The following SLTM variants were observed in gnomAD, a reference collection of about 807,000 sequenced individuals.
SLTM encodes SAFB-like transcription modulator.
Under a neutral mutation model 134.6 loss-of-function variants are expected in SLTM, and 43 were observed. That is an observed-to-expected ratio of 0.32 (90% CI 0.25 to 0.41). The LOEUF (loss-of-function observed/expected upper bound fraction) is 0.41, where lower values mean the gene tolerates loss of function less well. Ranked by LOEUF, SLTM falls within the 10% of genes least tolerant of loss-of-function variation. The pLI, the probability that SLTM is intolerant of heterozygous loss-of-function variation, is 1.00. For synonymous variants in SLTM, 424 were observed against 432.3 expected, an observed-to-expected ratio of 0.98 and a Z score of 0.24; for missense variants, 1,055 against 1,288.8, an observed-to-expected ratio of 0.82 and a Z score of 2.78.
In SLTM at chr15:58,933,497, G is replaced by C. The variant is rs932804909; in HGVS notation, c.69C>G (p.Thr23=). Residue 23 remains threonine, a synonymous_variant, in exon 1 of 21, where the codon ACC becomes ACG. Transcript: ENST00000380516. ...ACTTCAGATCGATGACCCGCAGATC[G>C]GTGATCTTTTTACCTTCCGCCTGAC... ...ASGQAEGKKI[T]DLRVIDLKSE... 8.7e-6 allele frequency: 14 copies of C among 1,600,722 alleles called. No individual in the cohort carries two copies. The highest frequency in any genetic ancestry group is 1.7e-5 in the Admixed American group (1 of 58,164).
chr15:58,921,896 C>G (rs1358848870), intron 2 of SLTM, among the ~76,000 whole-genome samples: 1 of 152,118 alleles, frequency 6.6e-6, no homozygotes, highest in East Asian at 1.9e-4. Flanking sequence ...ATGCCTCAGC[C>G]TCACAAGGAG....
Position 58,879,923 on chromosome 15 carries a change from C to G in SLTM, c.*76G>C, listed in dbSNP as rs1439334814. The stretch of plus-strand genomic sequence containing the variant: ...AGAACTCTCAAGCAAGTCAGAGGTC[C>G]TCTTCATAAGTAGTCAAGTAAAGTT... On this transcript the variant is annotated 3_prime_UTR_variant, in exon 21 of 21. Transcript: ENST00000380516. 2.6e-6 allele frequency: 4 copies of G among 1,514,788 alleles called. No homozygotes were observed. Among genetic ancestry groups the G allele is most frequent in the African/African-American group, 2.8e-5 (2 of 71,746 alleles). 93.8% of individuals were successfully genotyped at this position (1,514,788 alleles called of 1,614,324 possible). A position where few individuals can be genotyped will look rare whatever the true frequency, so the allele number is the denominator to read the frequency against.
Position 58,893,382 on chromosome 15 carries a change from T to C in SLTM, c.1649-18A>G, listed in dbSNP as rs760946668. The C allele has an allele frequency of 2.6e-6, 4 of 1,542,978 alleles. No individual in the cohort carries two copies. The highest frequency in any genetic ancestry group is 2.0e-5 in the Admixed American group (1 of 50,122). On this transcript the variant is annotated intron_variant, in intron 12 of 20. Transcript: ENST00000380516. ...CTTGGAACCTAAGGGAAAAAAATTA[T>C]ATAAAACAATGTCTAAAATTTTTCA...
intron 12 of SLTM, 24 bp downstream of exon 12, chr15:58,893,797 G>C: frequency 1.3e-6 from 2 of 1,584,082 alleles, no homozygotes; most frequent in Non-Finnish European, 1.7e-6. Flanking sequence ...CATTAGAAAG[G>C]GATTGAAAAG....
intron 19 of SLTM, among the ~76,000 whole-genome samples, chr15:58,884,643 T>C (rs2140938927): frequency 6.6e-6 from 1 of 152,012 alleles, no homozygotes; most frequent in South Asian, 2.1e-4. Context: ...AAATAATTTT[T>C]TTTTTTGGAG....
chr15:58,893,102 T>C (rs773395004), intron 13 of SLTM, 42 bp from the exon 14 acceptor site: 9 of 1,530,836 alleles, frequency 5.9e-6, no homozygotes, highest in Non-Finnish European at 7.9e-6. Flanking sequence ...TTAAAATATT[T>C]TGGGGCTTTA....
At position 58,913,540 on chromosome 15, in the gene SLTM, C is replaced by T. The variant is rs1567144014; in HGVS notation, c.472G>A (p.Glu158Lys). ...NKRAHELIEA[E>K]GIEDIEKEDI... is the part of the protein sequence containing the mutation. Reference sequence around the variant, plus strand: ...TCTTTTTCTATATCTTCTATTCCTTCTGCCTCTATTAATTCATGAGCTCTC... The same window carrying T: ...TCTTTTTCTATATCTTCTATTCCTTTTGCCTCTATTAATTCATGAGCTCTC... The change falls in exon 4 of 21, where the codon GAA becomes AAA. Residue 158 changes from glutamate (E) to lysine (K), a missense_variant. By Grantham distance (56) the Glu-to-Lys change is moderately conservative (BLOSUM62 1). Transcript: ENST00000380516. 1 of 1,612,862 alleles carries T rather than the reference C, an allele frequency of 6.2e-7. No homozygotes were observed. The highest frequency in any genetic ancestry group is 1.3e-5 in the African/African-American group (1 of 74,998).
chr15:58,892,925 T>C lies in SLTM; in HGVS notation c.1870A>G (p.Arg624Gly). Reference sequence around the variant, plus strand: ...CGAAGTTCCATTGCTCGTCGCAGCCTTTCAAAACGAACTAAATGTTCTCTC... The same window carrying C: ...CGAAGTTCCATTGCTCGTCGCAGCCCTTCAAAACGAACTAAATGTTCTCTC... The part of the protein sequence containing the change: ...RLREHLVRFE[R>G]LRRAMELRRR... Residue 624 changes from arginine (R) to glycine (G), a missense_variant, in exon 14 of 21, where the codon AGG (arginine) becomes GGG (glycine). By Grantham distance (125) the Arg-to-Gly change is moderately radical. Around this residue, in one of 3 missense-constraint regions of SLTM, gnomAD observed 776 missense variants for 962.2 expected, o/e 0.81. Transcript: ENST00000380516. 2.5e-6 allele frequency: 4 copies of C among 1,613,338 alleles called. No individual in the cohort carries two copies. The highest frequency in any genetic ancestry group is 3.4e-6 in the Non-Finnish European group (4 of 1,179,796).
intron 5 of SLTM, among the ~76,000 whole-genome samples, chr15:58,903,893 C>A (rs2035676227): frequency 6.6e-6 from 1 of 152,142 alleles, no homozygotes; most frequent in South Asian, 2.1e-4. Context: ...ATTTTAGATT[C>A]ATATAAAAGC....
At chr15:58,882,593 A>G (rs986322862) in intron 20 of SLTM, among the ~76,000 whole-genome samples, 1 of 152,254 alleles carries the variant, frequency 6.6e-6, no homozygotes, top group Non-Finnish European at 1.5e-5. Context: ...AAAAGAATCT[A>G]TATTTATCAA....
chr15:58,929,526 A>T (rs1186861615), intron 2 of SLTM, among the ~76,000 whole-genome samples: 1 of 152,216 alleles, frequency 6.6e-6, no homozygotes, highest in Middle Eastern at 3.2e-3. Context: ...AAATCTGTTC[A>T]TTATTGATAT....
chr15:58,886,963 C>A lies in SLTM; in HGVS notation c.2835+12G>T. 1.2e-6 allele frequency: 2 copies of A among 1,611,956 alleles called. No homozygotes were observed. Among genetic ancestry groups the A allele is most frequent in the Non-Finnish European group, 1.7e-6 (2 of 1,179,908 alleles). ...GTGTGCAGGCTCGCGGCAAGCCTCC[C>A]GCAGCACTTACCTGTGATCCACCTC... On this transcript the variant is annotated intron_variant, in intron 19 of 20. Transcript: ENST00000380516.
chr15:58,922,022 G>A (rs1230878913), intron 2 of SLTM, among the ~76,000 whole-genome samples: 1 of 151,836 alleles, frequency 6.6e-6, no homozygotes, highest in East Asian at 1.9e-4. Flanking sequence ...CGACTATATT[G>A]TAATTTCTTA....
intron 8 of SLTM, chr15:58,898,135 A>C (rs1241330233): frequency 6.6e-6 from 1 of 152,158 alleles, no homozygotes; most frequent in Non-Finnish European, 1.5e-5. Context: ...ACGATTTAAA[A>C]TAAACTATGG....
At chr15:58,882,084 G>A (rs373837669) in intron 20 of SLTM, among the ~76,000 whole-genome samples, 6 of 144,220 alleles carry the variant, frequency 4.2e-5, no homozygotes, top group Non-Finnish European at 7.5e-5. Context: ...GTGCACGCCT[G>A]TATTCCCAGC....
At chr15:58,933,196 A>AGGCCC (rs1293776334) in intron 1 of SLTM, among the ~76,000 whole-genome samples, 9 of 151,522 alleles carry the variant, frequency 5.9e-5, no homozygotes, top group South Asian at 4.1e-4. Flanking sequence ...GGTCCCTCGC[A>AGGCCC]GGCCCGGCCC....
Position 58,883,654 on chromosome 15 carries a change from C to T in SLTM, c.2968G>A (p.Gly990Arg). Residue 990 changes from glycine to arginine, a missense_variant, in exon 20 of 21, where the codon GGA becomes AGA. This residue lies in a region of SLTM where 776 missense variants were observed against 962.2 expected (regional missense o/e 0.81). Transcript: ENST00000380516. The part of the protein sequence containing the change: ...DTRRMGDGRA[G>R]AGMITQHSSN... ...GAATGTTGGGTTATCATGCCTGCTC[C>T]TGCCCGGCCGTCACCCATTCGCCTC... 1 of 1,614,168 alleles carries T rather than the reference C, an allele frequency of 6.2e-7. No individual in the cohort carries two copies. Among genetic ancestry groups the T allele is most frequent in the Non-Finnish European group, 8.5e-7 (1 of 1,180,022 alleles).
chr15:58,894,869 T>TA (rs2141001198), intron 9 of SLTM, among the ~76,000 whole-genome samples: 1 of 152,192 alleles, frequency 6.6e-6, no homozygotes, highest in South Asian at 2.1e-4. Context: ...CATGCCCTGC[T>TA]AAGTTTTGTA....
In SLTM at chr15:58,888,609, G is replaced by C. The variant is rs181429523; in HGVS notation, c.2205-54C>G. On this transcript the variant is annotated intron_variant, in intron 16 of 20. Transcript: ENST00000380516. ...TAAATTAGTTCTACAGTAATCAAAC[G>C]ACATTTACTTGGAGTCATACATACC... The C allele has an allele frequency of 7.0e-6, 11 of 1,571,440 alleles. No individual in the cohort carries two copies. The Admixed American group carries it at 8.6e-5, about 12-fold the overall frequency.
Sources: allele counts gnomAD v4.1 joint callset (sites outside exome capture counted in the v4.1 genomes callset), GRCh38; gene constraint gnomAD v4.1.1; regional missense constraint gnomAD v4.1.1; transcripts MANE v1.5; gene names NCBI Gene and HGNC (gene_info 2026-07-23, HGNC 2026-07-21).